Variants in MALRD1 observed in about 807,000 individuals in gnomAD.
MALRD1 encodes MAM and LDL receptor class A domain containing 1, also known as MAM and LDL-receptor class A domain-containing protein 1.
Under a neutral mutation model 242.1 loss-of-function variants are expected in MALRD1, and 247 were observed. The ratio of observed to expected loss-of-function variants is 1.02; its 90% confidence interval spans 0.92 to 1.13. The LOEUF is 1.13. Ranked by LOEUF, MALRD1 falls within the 50% of genes most tolerant of loss-of-function variation. The pLI, the probability that MALRD1 is intolerant of heterozygous loss-of-function variation, is 0.00. For missense variants in MALRD1, 2,989 were observed against 2,533.1 expected, an observed-to-expected ratio of 1.18 and a Z score of -3.86; for synonymous variants, 995 against 866.6, an observed-to-expected ratio of 1.15 and a Z score of -2.60.
At chr10:19,410,331 C>T (rs950314446) in intron 28 of MALRD1, among the ~76,000 whole-genome samples, 3 of 152,120 alleles carry the variant, frequency 2.0e-5, no homozygotes, top group South Asian at 2.1e-4. Context: ...TTTTTATTCA[C>T]CTCATTGCAA....
intron 26 of MALRD1, among the ~76,000 whole-genome samples, chr10:19,357,406 A>G (rs1457701355): frequency 1.3e-5 from 2 of 151,880 alleles, no homozygotes; most frequent in African/African-American, 4.8e-5. Flanking sequence ...ATTATCCTGT[A>G]TTTTTTATAT....
intron 13 of MALRD1, among the ~76,000 whole-genome samples, chr10:19,171,464 ATG>A (rs1392603955): frequency 4.4e-5 from 6 of 135,430 alleles, no homozygotes; most frequent in Non-Finnish European, 7.9e-5. Context: ...ATATACACAC[ATG>A]TATATACACA....
At chr10:19,571,872 C>T (rs961870442) in intron 33 of MALRD1, among the ~76,000 whole-genome samples, 2 of 152,116 alleles carry the variant, frequency 1.3e-5, no homozygotes, top group African/African-American at 4.8e-5. Context: ...AACAAAACAT[C>T]CAGATTTGTA....
Position 19,171,615 on chromosome 10 carries a change from T to TGTGTGTATATAAATACACACACAC in MALRD1, c.1831-3593_1831-3592insGTGTGTATATAAATACACACACAC, listed in dbSNP as rs1483762709. ...GTGTATATAAATACACACACACATATATGTCTATGTGTGTATATAAATACA... is the reference window on the plus strand; with the variant it reads ...GTGTATATAAATACACACACACATATGTGTGTATATAAATACACACACACATGTCTATGTGTGTATATAAATACA... On this transcript the variant is annotated intron_variant, in intron 13 of 39. Coordinates refer to ENST00000454679, the MANE Select transcript of MALRD1 (RefSeq NM_001142308.3). Among the ~76,000 whole-genome samples the TGTGTGTATATAAATACACACACAC allele has an allele frequency of 2.9e-3, 373 of 130,228 alleles. 32 individuals carry two copies. The highest frequency in any genetic ancestry group is 9.7e-3 in the African/African-American group (345 of 35,714). 85.4% of individuals were successfully genotyped at this position (130,228 alleles called of 152,430 possible). A position where few individuals can be genotyped will look rare whatever the true frequency, so the allele number is the denominator to read the frequency against.
chr10:19,276,665 AT>A (rs536768624), intron 19 of MALRD1, among the ~76,000 whole-genome samples: 33 of 151,992 alleles, frequency 2.2e-4, no homozygotes, highest in African/African-American at 5.8e-4. Flanking sequence ...TCCCTTTTTA[AT>A]TTTTTTTCAC....
intron 21 of MALRD1, among the ~76,000 whole-genome samples, chr10:19,306,341 T>TAC: frequency 7.2e-6 from 1 of 138,336 alleles, no homozygotes; most frequent in Non-Finnish European, 1.5e-5. Flanking sequence ...GTCGTATATA[T>TAC]ACCATATATA....
chr10:19,665,709 C>T (rs983097648), intron 36 of MALRD1, among the ~76,000 whole-genome samples: 1 of 152,046 alleles, frequency 6.6e-6, no homozygotes, highest in African/African-American at 2.4e-5. Context: ...TATGCTTTTG[C>T]TCTCAAAGCC....
At chr10:19,328,698 C>T (rs1253423417) in intron 23 of MALRD1, among the ~76,000 whole-genome samples, 3 of 152,066 alleles carry the variant, frequency 2.0e-5, no homozygotes, top group African/African-American at 7.2e-5. Context: ...TGTAGTAAAT[C>T]CCATGTATCT....
chr10:19,306,557 A>T (rs530146061), intron 21 of MALRD1, among the ~76,000 whole-genome samples: 1 of 148,258 alleles, frequency 6.7e-6, no homozygotes, highest in African/African-American at 2.5e-5. Flanking sequence ...TATATATAGT[A>T]TGGTAGTATA....
chr10:19,073,578 C>A (rs1487895381), intron 2 of MALRD1, among the ~76,000 whole-genome samples: 2 of 152,046 alleles, frequency 1.3e-5, no homozygotes, highest in African/African-American at 4.8e-5. Flanking sequence ...ATTTTAAAAC[C>A]TTGTACAAAA....
chr10:19,113,207 A>G (rs1251273992), intron 5 of MALRD1, among the ~76,000 whole-genome samples: 1 of 152,098 alleles, frequency 6.6e-6, no homozygotes, highest in South Asian at 2.1e-4. Flanking sequence ...TAAATCCATC[A>G]ATAAGTCTTA....
intron 14 of MALRD1, among the ~76,000 whole-genome samples, chr10:19,198,595 C>A (rs1836369729): frequency 6.6e-6 from 1 of 152,102 alleles, no homozygotes. Context: ...AACAAAGGGG[C>A]AGTTAACGGC....
intron 18 of MALRD1, among the ~76,000 whole-genome samples, chr10:19,256,911 C>T (rs755526534): frequency 1.3e-5 from 2 of 152,006 alleles, no homozygotes; most frequent in Non-Finnish European, 2.9e-5. Context: ...GCTAGAAGTT[C>T]TTTATTATTA....
intron 31 of MALRD1, among the ~76,000 whole-genome samples, chr10:19,526,445 A>G (rs1834105181): frequency 6.6e-6 from 1 of 151,892 alleles, no homozygotes; most frequent in East Asian, 1.9e-4. Flanking sequence ...GAGTTTCAGA[A>G]TTAAAAATTG....
chr10:19,464,748 T>A (rs532887752), intron 29 of MALRD1, among the ~76,000 whole-genome samples: 1 of 152,242 alleles, frequency 6.6e-6, no homozygotes, highest in South Asian at 2.1e-4. Context: ...TCTGTGAAAA[T>A]GATGGTGGTA....
chr10:19,290,504 A>G (rs975424607), intron 21 of MALRD1: 5 of 152,242 alleles, frequency 3.3e-5, no homozygotes, highest in African/African-American at 9.6e-5. Flanking sequence ...AAATCATTCA[A>G]TGACAATATC....
chr10:19,659,703 A>C (rs1324939253), intron 36 of MALRD1, among the ~76,000 whole-genome samples: 1 of 152,282 alleles, frequency 6.6e-6, no homozygotes, highest in Non-Finnish European at 1.5e-5. Flanking sequence ...TATAGATTGC[A>C]TATTTAATTT....
Position 19,373,203 on chromosome 10 carries a change from C to CAAAAAAAAAAAAAAAAAAAAAAAAAAA in MALRD1, c.4442-14308_4442-14307insAAAAAAAAAAAAAAAAAAAAAAAAAAA, listed in dbSNP as rs374095193. Among the ~76,000 whole-genome samples, 205 of 114,820 alleles carry CAAAAAAAAAAAAAAAAAAAAAAAAAAA rather than the reference C, an allele frequency of 1.8e-3. 4 individuals carry two copies. The highest frequency in any genetic ancestry group is 6.4e-3 in the African/African-American group (186 of 29,186). 75.3% of individuals were successfully genotyped at this position (114,820 alleles called of 152,430 possible). Reference sequence around the variant, plus strand: ...CTTGCATTTCAGCAAACGCTAAATACAAAAAAAAAAAAAAAAATAAGGGGC... The same window carrying CAAAAAAAAAAAAAAAAAAAAAAAAAAA: ...CTTGCATTTCAGCAAACGCTAAATACAAAAAAAAAAAAAAAAAAAAAAAAAAAAAAAAAAAAAAAAAAAATAAGGGGC... On this transcript the variant is annotated intron_variant, in intron 26 of 39. Transcript: ENST00000454679.
chr10:19,253,921 G>A (rs1839398630), intron 18 of MALRD1, among the ~76,000 whole-genome samples: 1 of 151,846 alleles, frequency 6.6e-6, no homozygotes, highest in Admixed American at 6.6e-5. Flanking sequence ...ATATGGGGGT[G>A]GTTTCCCCCA....
Sources: allele counts gnomAD v4.1 joint callset (sites outside exome capture counted in the v4.1 genomes callset), GRCh38; gene constraint gnomAD v4.1.1; transcripts MANE v1.5; gene names NCBI Gene and HGNC (gene_info 2026-07-23, HGNC 2026-07-21).